The following ADAMTS19 variants were observed in gnomAD, a reference collection of about 807,000 sequenced individuals.
ADAMTS19 encodes the protein A disintegrin and metalloproteinase with thrombospondin motifs 19.
ADAMTS19 carries 93 observed loss-of-function variants against 153.3 expected under a neutral mutation model. The observed-to-expected ratio is 0.61, with a 90% CI of 0.51 to 0.72. The LOEUF is 0.72. ADAMTS19 is among the 30% of genes least tolerant of loss of function. The pLI is 0.00. For missense variants in ADAMTS19, 1,482 were observed against 1,552.1 expected (o/e 0.95, Z 0.76); for synonymous variants, 600 against 556.6 (o/e 1.08, Z -1.10).
At chr5:129,702,803 A>G (rs30301) in intron 20 of ADAMTS19, among the ~76,000 whole-genome samples, 89,517 of 150,990 alleles carry the variant, frequency 0.59, 26,931 homozygotes, top group Non-Finnish European at 0.65. Flanking sequence ...ATATTCTACT[A>G]TACAGATTTT....
rs1435683685 is a variant in ADAMTS19 at position 129,461,499 on chromosome 5, T to C, written c.489T>C (p.His163=). The C allele has an allele frequency of 6.6e-7, 1 of 1,506,380 alleles. No homozygotes were observed. Among genetic ancestry groups the C allele is most frequent in the Non-Finnish European group, 8.8e-7 (1 of 1,136,402 alleles). 93.3% of individuals were successfully genotyped at this position (1,506,380 alleles called of 1,614,324 possible). ...CCCCGTCCCCGCCCCCGGCCCAGCA[T>C]GCCGAGCCGGATGGCGACGAAGTGT... The part of the protein sequence containing the change: ...QPPPSPPPAQ[H]AEPDGDEVLL... Residue 163 remains histidine (H), a synonymous_variant, in exon 2 of 23, where the codon CAT becomes CAC. Transcript: ENST00000274487. The surrounding 1 kb of genome is among the most constrained non-coding windows in gnomAD (Gnocchi z 4.6).
intron 2 of ADAMTS19, among the ~76,000 whole-genome samples, chr5:129,493,755 T>A (rs900578325): frequency 6.6e-6 from 1 of 152,104 alleles, no homozygotes; most frequent in Admixed American, 6.6e-5. Context: ...AATGAAGAAA[T>A]CAGTATCAAA....
chr5:129,512,840 T>A (rs929167919), intron 3 of ADAMTS19, among the ~76,000 whole-genome samples: 1 of 152,024 alleles, frequency 6.6e-6, no homozygotes, highest in Non-Finnish European at 1.5e-5. Flanking sequence ...TCCATCTCTG[T>A]CTCTTCTATG....
intron 2 of ADAMTS19, among the ~76,000 whole-genome samples, chr5:129,487,475 AGT>A (rs1395922090): frequency 6.6e-6 from 1 of 152,086 alleles, no homozygotes; most frequent in African/African-American, 2.4e-5. Flanking sequence ...AAATTTAACA[AGT>A]GTGTTTTATA....
intron 4 of ADAMTS19, among the ~76,000 whole-genome samples, chr5:129,526,698 CT>C (rs1752020549): frequency 6.6e-6 from 1 of 151,646 alleles, no homozygotes; most frequent in African/African-American, 2.4e-5. Context: ...CTATGTTACT[CT>C]TTTCTCTCTT....
At chr5:129,643,708 C>T (rs1415259412) in intron 11 of ADAMTS19, among the ~76,000 whole-genome samples, 1 of 151,976 alleles carries the variant, frequency 6.6e-6, no homozygotes, top group East Asian at 1.9e-4. Context: ...TGTGAAATAT[C>T]AGTTAATTGT....
chr5:129,465,865 T>C (rs1749838353), intron 2 of ADAMTS19, among the ~76,000 whole-genome samples: 1 of 152,184 alleles, frequency 6.6e-6, no homozygotes, highest in South Asian at 2.1e-4. Flanking sequence ...GAAGAGAATG[T>C]CATCAGGACA....
intron 21 of ADAMTS19, among the ~76,000 whole-genome samples, chr5:129,714,246 C>T (rs1581254345): frequency 1.3e-5 from 2 of 149,672 alleles, no homozygotes; most frequent in South Asian, 2.1e-4. Context: ...GGTGAAACCC[C>T]GTCTCTACTA....
chr5:129,610,904 C>T (rs879633319), intron 8 of ADAMTS19, among the ~76,000 whole-genome samples: 2 of 152,158 alleles, frequency 1.3e-5, no homozygotes, highest in Admixed American at 1.3e-4. Flanking sequence ...ACAGTCCCAC[C>T]AACAGTGTAA....
intron 7 of ADAMTS19, among the ~76,000 whole-genome samples, chr5:129,586,740 A>G (rs941431863): frequency 6.6e-6 from 1 of 152,202 alleles, no homozygotes; most frequent in African/African-American, 2.4e-5. Context: ...CTACCTTCCA[A>G]TGTGGCTGTA....
At chr5:129,535,934 T>C (rs1186964410) in intron 6 of ADAMTS19, among the ~76,000 whole-genome samples, 4 of 152,114 alleles carry the variant, frequency 2.6e-5, no homozygotes, top group African/African-American at 7.2e-5. Context: ...AAGACTTACA[T>C]GTTAGACCTA....
chr5:129,686,575 A>G (rs1389502326), intron 18 of ADAMTS19, among the ~76,000 whole-genome samples: 3 of 152,082 alleles, frequency 2.0e-5, no homozygotes, highest in Non-Finnish European at 4.4e-5. Context: ...CCTGGAAGTG[A>G]TCAAAACAAT....
chr5:129,558,452 A>C (rs1011726953), intron 7 of ADAMTS19, among the ~76,000 whole-genome samples: 2 of 152,128 alleles, frequency 1.3e-5, no homozygotes, highest in African/African-American at 4.8e-5. Context: ...TCTAATGACA[A>C]ATATGTAAGA....
intron 21 of ADAMTS19, among the ~76,000 whole-genome samples, chr5:129,729,815 G>C (rs979449907): frequency 6.6e-6 from 1 of 152,010 alleles, no homozygotes; most frequent in Non-Finnish European, 1.5e-5. Flanking sequence ...AAAATGATGT[G>C]TTACTTTGCT....
chr5:129,674,893 A>G (rs30657), intron 16 of ADAMTS19, among the ~76,000 whole-genome samples: 22,338 of 152,064 alleles, frequency 0.15, 1,810 homozygotes, highest in East Asian at 0.3. Context: ...GAACCATTTT[A>G]TTTCAGCCTG....
At chr5:129,637,680 A>C (rs1336336290) in intron 10 of ADAMTS19, among the ~76,000 whole-genome samples, 1 of 152,138 alleles carries the variant, frequency 6.6e-6, no homozygotes, top group Non-Finnish European at 1.5e-5. Flanking sequence ...CCCTGTCTCT[A>C]CTAAAAGTAC....
chr5:129,670,139 G>A (rs766520498), intron 16 of ADAMTS19, among the ~76,000 whole-genome samples: 7 of 152,012 alleles, frequency 4.6e-5, no homozygotes, highest in Non-Finnish European at 8.8e-5. Context: ...TGTATACACT[G>A]ACCTCTAACC....
intron 9 of ADAMTS19, among the ~76,000 whole-genome samples, chr5:129,621,948 C>T (rs923477704): frequency 1.3e-5 from 2 of 152,124 alleles, no homozygotes; most frequent in Non-Finnish European, 2.9e-5. Flanking sequence ...TTATGTAGAT[C>T]AGCTGAGTTA....
intron 3 of ADAMTS19, among the ~76,000 whole-genome samples, chr5:129,519,636 C>T (rs1751727806): frequency 7.7e-6 from 1 of 129,680 alleles, no homozygotes; most frequent in Non-Finnish European, 1.7e-5. Flanking sequence ...CCTCCCTATT[C>T]TCATTTTATA....
Sources: gnomAD v4.1 joint callset for allele counts (sites outside exome capture counted in the v4.1 genomes callset) on GRCh38, gnomAD v4.1.1 for gene constraint, Gnocchi (gnomAD v3.1) non-coding constraint, MANE v1.5 for transcripts, NCBI Gene and HGNC (gene_info 2026-07-23, HGNC 2026-07-21) for gene names.